VAV3: variants seen among roughly 807,000 people sequenced by gnomAD.
VAV3 encodes the protein guanine nucleotide exchange factor VAV3.
Under a neutral mutation model 131.2 loss-of-function variants are expected in VAV3, and 94 were observed. That is an observed-to-expected ratio of 0.72 (90% CI 0.61 to 0.85). The LOEUF (loss-of-function observed/expected upper bound fraction) is 0.85, where lower values mean the gene tolerates loss of function less well. Among genes scored for constraint, VAV3 ranks in the 40% least tolerant of loss-of-function variants. VAV3 has a pLI of 0.00. For synonymous variants in VAV3, 349 were observed against 342.0 expected (o/e 1.02, Z -0.22); for missense variants, 939 against 1,002.7 (o/e 0.94, Z 0.86).
intron 19 of VAV3, among the ~76,000 whole-genome samples, chr1:107,647,541 G>A (rs909663376): frequency 1.3e-5 from 2 of 151,920 alleles, no homozygotes; most frequent in East Asian, 3.9e-4. Flanking sequence ...ACTGGGCATG[G>A]ACCTCCATCC....
At chr1:107,884,557 C>A (rs548990309) in intron 1 of VAV3, among the ~76,000 whole-genome samples, 64 of 151,518 alleles carry the variant, frequency 4.2e-4, no homozygotes, top group African/African-American at 1.4e-3. Flanking sequence ...GTGATCCTCC[C>A]ACCTCAGCCT....
chr1:107,674,695 C>T (rs1266472086), intron 19 of VAV3, among the ~76,000 whole-genome samples: 5 of 152,152 alleles, frequency 3.3e-5, no homozygotes, highest in Non-Finnish European at 7.3e-5. Flanking sequence ...ACTTTGGTTC[C>T]CTCTGCTGAA....
At chr1:107,760,957 AT>A in intron 9 of VAV3, 78 bp from the exon 10 acceptor site, 1 of 896,898 alleles carries the variant, frequency 1.1e-6, no homozygotes, top group Non-Finnish European at 1.8e-6. Context: ...CAGAACAGTT[AT>A]TATACAATAA....
intron 1 of VAV3, among the ~76,000 whole-genome samples, chr1:107,919,978 T>C (rs1340609316): frequency 1.3e-5 from 2 of 152,180 alleles, no homozygotes; most frequent in Non-Finnish European, 2.9e-5. Context: ...AATAATTCCT[T>C]GAAATCACTT....
intron 1 of VAV3, among the ~76,000 whole-genome samples, chr1:107,926,164 A>G (rs749814115): frequency 3.3e-5 from 5 of 151,920 alleles, no homozygotes. Flanking sequence ...TGCGTGTAAT[A>G]CCAGCTACTC....
intron 1 of VAV3, among the ~76,000 whole-genome samples, chr1:107,950,874 C>T (rs1052843030): frequency 1.3e-5 from 2 of 152,132 alleles, no homozygotes; most frequent in African/African-American, 4.8e-5. Context: ...AGTAGCAAGT[C>T]TAGAGGTTAG....
At chr1:107,688,581 C>T in intron 17 of VAV3, 175 bp from the exon 18 acceptor site, 1 of 1,482,678 alleles carries the variant, frequency 6.7e-7, no homozygotes, top group Non-Finnish European at 8.9e-7. Flanking sequence ...AACCTTGGTT[C>T]TCTTACCCTA....
chr1:107,940,984 T>A (rs891881271), intron 1 of VAV3, among the ~76,000 whole-genome samples: 4 of 74,388 alleles, frequency 5.4e-5, no homozygotes, highest in African/African-American at 1.7e-4. Flanking sequence ...TATGTATATT[T>A]TAGCACAATT....
At chr1:107,959,446 T>C (rs1471387822) in intron 1 of VAV3, among the ~76,000 whole-genome samples, 3 of 152,186 alleles carry the variant, frequency 2.0e-5, no homozygotes, top group African/African-American at 7.2e-5. Flanking sequence ...AATCTGTTTT[T>C]GTCAAGGTCA....
At chr1:107,822,676 A>G (rs1667849496) in intron 2 of VAV3, among the ~76,000 whole-genome samples, 1 of 151,362 alleles carries the variant, frequency 6.6e-6, no homozygotes, top group Non-Finnish European at 1.5e-5. Flanking sequence ...AAATAAATAA[A>G]TAAATAAATA....
chr1:107,785,561 AC>A, intron 2 of VAV3: 4 of 1,241,158 alleles, frequency 3.2e-6, no homozygotes, highest in Non-Finnish European at 4.1e-6. Context: ...TCACACCCCT[AC>A]AACATTAGGT....
chr1:107,767,071 C>T (rs1441112167), intron 7 of VAV3, among the ~76,000 whole-genome samples: 1 of 152,110 alleles, frequency 6.6e-6, no homozygotes, highest in Non-Finnish European at 1.5e-5. Flanking sequence ...TGACTCATGT[C>T]CTTGTGACAC....
chr1:107,656,940 ATCCT>A (rs1311578693), intron 19 of VAV3, among the ~76,000 whole-genome samples: 2 of 132,150 alleles, frequency 1.5e-5, no homozygotes, highest in African/African-American at 5.6e-5. Context: ...AGTCAAGACA[ATCCT>A]TTTTTTTTTT....
At chr1:107,724,125 G>A (rs1661687138) in intron 15 of VAV3, among the ~76,000 whole-genome samples, 2 of 151,858 alleles carry the variant, frequency 1.3e-5, no homozygotes, top group Admixed American at 6.6e-5. Flanking sequence ...TTTTAATTAG[G>A]AAAATGGTAT....
intron 1 of VAV3, among the ~76,000 whole-genome samples, chr1:107,946,863 T>C (rs954510324): frequency 2.6e-5 from 4 of 152,330 alleles, no homozygotes; most frequent in Admixed American, 6.5e-5. Context: ...CCAACCATAA[T>C]AGTATTTAGT....
At chr1:107,778,311 G>A (rs532366632) in intron 3 of VAV3, among the ~76,000 whole-genome samples, 1 of 152,022 alleles carries the variant, frequency 6.6e-6, no homozygotes, top group African/African-American at 2.4e-5. Context: ...TATTATGCAA[G>A]TTCATTGTAG....
chr1:107,748,556 A>G (rs926345573), intron 15 of VAV3, among the ~76,000 whole-genome samples: 2 of 152,224 alleles, frequency 1.3e-5, no homozygotes, highest in African/African-American at 4.8e-5. Flanking sequence ...TAAAAATAAG[A>G]TATATGCATT....
chr1:107,914,607 T>C (rs1307251688), intron 1 of VAV3, among the ~76,000 whole-genome samples: 4 of 152,258 alleles, frequency 2.6e-5, no homozygotes, highest in Admixed American at 6.5e-5. Flanking sequence ...TATAAAAGAC[T>C]GTGCCTCCTC....
intron 2 of VAV3, among the ~76,000 whole-genome samples, chr1:107,845,568 T>C (rs1487787884): frequency 6.6e-6 from 1 of 152,118 alleles, no homozygotes; most frequent in East Asian, 1.9e-4. Context: ...GTTAGAGGAA[T>C]TGCTAACAAG....
Sources: allele counts gnomAD v4.1 joint callset (sites outside exome capture counted in the v4.1 genomes callset), GRCh38; gene constraint gnomAD v4.1.1; transcripts MANE v1.5; gene names NCBI Gene and HGNC (gene_info 2026-07-23, HGNC 2026-07-21).